PRELID2: variants seen among roughly 807,000 people sequenced by gnomAD.
The protein encoded by PRELID2 is PRELI domain containing 2, also known as PRELI domain-containing protein 2.
A neutral mutation model predicts 28.4 loss-of-function variants in PRELID2; 25 were observed. That is an observed-to-expected ratio of 0.88 (90% CI 0.64 to 1.23). The LOEUF is 1.23. PRELID2 is among the 50% of genes most tolerant of loss of function. The pLI, the probability that PRELID2 is intolerant of heterozygous loss-of-function variation, is 0.00. For synonymous variants in PRELID2, 76 were observed against 71.6 expected (o/e 1.06, Z -0.31); for missense variants, 201 against 214.4 (o/e 0.94, Z 0.39).
the PRELID2 span, among the ~76,000 whole-genome samples, chr5:145,391,040 C>T: frequency 1.8e-4 from 28 of 152,316 alleles, no homozygotes; most frequent in South Asian, 2.7e-3. Flanking sequence ...AGTGCCACCC[C>T]TGTGGCTTTG....
At chr5:145,507,402 C>T (rs1285420154) in intron 1 of PRELID2, among the ~76,000 whole-genome samples, 2 of 152,148 alleles carry the variant, frequency 1.3e-5, no homozygotes, top group Non-Finnish European at 2.9e-5. Context: ...TATAACACTT[C>T]CCTGAAGTTG....
chr5:145,605,328 C>G (rs764068580), intron 1 of PRELID2, among the ~76,000 whole-genome samples: 26 of 152,002 alleles, frequency 1.7e-4, no homozygotes, highest in Non-Finnish European at 3.2e-4. Context: ...TATCTTTAAC[C>G]CATCTTGATT....
chr5:145,791,849 T>A (rs1247031696), intron 5 of PRELID2, among the ~76,000 whole-genome samples: 5 of 152,190 alleles, frequency 3.3e-5, no homozygotes, highest in Admixed American at 6.5e-5. Flanking sequence ...GAAAAGAGGA[T>A]ACGTCATTAC....
chr5:145,769,571 T>G (rs1319857168), intron 5 of PRELID2, among the ~76,000 whole-genome samples: 2 of 152,222 alleles, frequency 1.3e-5, no homozygotes, highest in Non-Finnish European at 2.9e-5. Context: ...AGAGTAATAT[T>G]AGACCAAACA....
At chr5:145,284,677 C>G in the PRELID2 span, among the ~76,000 whole-genome samples, 1 of 152,050 alleles carries the variant, frequency 6.6e-6, no homozygotes, top group African/African-American at 2.4e-5. Flanking sequence ...TCCTAAAATT[C>G]AGCTATTTAA....
At chr5:145,386,050 C>G in the PRELID2 span, among the ~76,000 whole-genome samples, 1 of 151,970 alleles carries the variant, frequency 6.6e-6, no homozygotes, top group Non-Finnish European at 1.5e-5. Context: ...ATACCCAAGA[C>G]TAGGTAATTT....
chr5:145,293,548 A>C, the PRELID2 span, among the ~76,000 whole-genome samples: 2 of 152,280 alleles, frequency 1.3e-5, no homozygotes, highest in South Asian at 4.1e-4. Context: ...CTAACCATTT[A>C]ACTATTATTT....
At chr5:145,336,077 A>C in the PRELID2 span, among the ~76,000 whole-genome samples, 23 of 152,344 alleles carry the variant, frequency 1.5e-4, no homozygotes, top group African/African-American at 5.3e-4. Context: ...TCTTCTTTTG[A>C]GAAGTGTCTG....
At chr5:145,782,538 T>C (rs192373171) in intron 5 of PRELID2, among the ~76,000 whole-genome samples, 402 of 152,290 alleles carry the variant, frequency 2.6e-3, no homozygotes, top group African/African-American at 8.4e-3. Flanking sequence ...TATCTGGTCT[T>C]CCCCAAAGTT....
Position 145,820,014 on chromosome 5 carries a change from T to C in PRELID2, c.138A>G (p.Glu46=), listed in dbSNP as rs778757237. The change falls in exon 3 of 7, where the codon GAA becomes GAG. Residue 46 remains glutamate, a synonymous_variant. Coordinates refer to ENST00000683046, the MANE Select transcript of PRELID2 (RefSeq NM_205846.3). ...SVKIMEEKRD[E]STGVIYRKRI... is the part of the protein sequence containing the mutation. Reference sequence around the variant, plus strand: ...TCTTTCTGTAGATGACCCCTGTTGATTCATCTAAAAAAGAAATTTTTTTAC... The same window carrying C: ...TCTTTCTGTAGATGACCCCTGTTGACTCATCTAAAAAAGAAATTTTTTTAC... 4 of 1,582,576 alleles carry C rather than the reference T, an allele frequency of 2.5e-6. No individual in the cohort carries two copies. Among genetic ancestry groups the C allele is most frequent in the Admixed American group, 1.8e-5 (1 of 54,956 alleles).
intron 1 of PRELID2, among the ~76,000 whole-genome samples, chr5:145,679,191 A>T (rs1754883375): frequency 6.6e-6 from 1 of 151,616 alleles, no homozygotes; most frequent in Non-Finnish European, 1.5e-5. Flanking sequence ...GGTTCCCAGA[A>T]CCATAATTTC....
In PRELID2 at chr5:145,601,225, G is replaced by T. The variant is rs182146824; in HGVS notation, n.71-127910C>A. On this transcript the variant is annotated intron_variant and non_coding_transcript_variant, in intron 1 of 2. Coordinates refer to the PRELID2 transcript ENST00000510259. ...TTGGAAAAATAATGAAAATATAATTGTGAAATAAAAATTTAGAGGATTTTC... is the reference window on the plus strand; with the variant it reads ...TTGGAAAAATAATGAAAATATAATTTTGAAATAAAAATTTAGAGGATTTTC... Among the ~76,000 whole-genome samples, 743 of 152,122 alleles carry T rather than the reference G, an allele frequency of 4.9e-3. 5 individuals carry two copies. Among genetic ancestry groups the T allele is most frequent in the Non-Finnish European group, 8.5e-3 (576 of 68,002 alleles).
At chr5:145,728,443 C>T (rs1204654462) in intron 1 of PRELID2, 11 of 584,782 alleles carry the variant, frequency 1.9e-5, no homozygotes, top group Non-Finnish European at 3.1e-5. Flanking sequence ...AAACAGGGAC[C>T]CCGGATCTGG....
chr5:145,262,461 G>C, the PRELID2 span, among the ~76,000 whole-genome samples: 2 of 152,018 alleles, frequency 1.3e-5, no homozygotes, highest in Non-Finnish European at 2.9e-5. Context: ...ACCTATAAAA[G>C]AAAACCTATC....
At chr5:145,484,962 C>T (rs1033915426) in intron 1 of PRELID2, among the ~76,000 whole-genome samples, 1 of 152,164 alleles carries the variant, frequency 6.6e-6, no homozygotes, top group African/African-American at 2.4e-5. Context: ...CTTCTAGCTT[C>T]TGAGGGTACA....
At chr5:145,556,254 A>G (rs1752879489) in intron 1 of PRELID2, among the ~76,000 whole-genome samples, 2 of 151,990 alleles carry the variant, frequency 1.3e-5, no homozygotes, top group Admixed American at 1.3e-4. Flanking sequence ...GCTGTCAGAG[A>G]TTATAAGAGC....
downstream of PRELID2, chr5:145,754,449 C>T (rs1203040009): frequency 6.6e-6 from 1 of 152,152 alleles, no homozygotes; most frequent in Non-Finnish European, 1.5e-5. Context: ...CCCACTACTG[C>T]CATCTGTCAG....
chr5:145,309,795 C>A, the PRELID2 span, among the ~76,000 whole-genome samples: 1 of 152,084 alleles, frequency 6.6e-6, no homozygotes, highest in Non-Finnish European at 1.5e-5. Context: ...AAAGTGTGAT[C>A]CCAAGAAATA....
At chr5:145,832,436 C>T (rs1051852866) in intron 1 of PRELID2, among the ~76,000 whole-genome samples, 4 of 152,154 alleles carry the variant, frequency 2.6e-5, no homozygotes, top group African/African-American at 4.8e-5. Flanking sequence ...CCGCCCGCCT[C>T]GGCCTCCCAA....
Sources: gnomAD v4.1 joint callset for allele counts (sites outside exome capture counted in the v4.1 genomes callset) on GRCh38, gnomAD v4.1.1 for gene constraint, MANE v1.5 for transcripts, NCBI Gene and HGNC (gene_info 2026-07-23, HGNC 2026-07-21) for gene names.